The following IL34 variants were observed in gnomAD, a reference collection of about 807,000 sequenced individuals.
IL34 encodes interleukin 34.
In IL34, 17 loss-of-function variants were observed where a neutral mutation model predicts 25.3. That is an observed-to-expected ratio of 0.67 (90% confidence interval 0.46 to 1.01). The LOEUF (loss-of-function observed/expected upper bound fraction) is 1.01. Ranked by LOEUF, IL34 falls within the 50% of genes least tolerant of loss-of-function variation. The pLI is 0.00. For missense variants in IL34, 368 were observed against 312.9 expected, an observed-to-expected ratio of 1.18 and a Z score of -1.33; for synonymous variants, 174 against 140.9, an observed-to-expected ratio of 1.23 and a Z score of -1.66.
intron 1 of IL34, among the ~76,000 whole-genome samples, chr16:70,625,438 C>T (rs550476736): frequency 3.9e-4 from 60 of 151,924 alleles, no homozygotes; most frequent in African/African-American, 7.5e-4. Flanking sequence ...CGGGACTTGC[C>T]GCTAAGGGCG....
intron 1 of IL34, among the ~76,000 whole-genome samples, chr16:70,640,582 C>A (rs561449035): frequency 6.6e-6 from 1 of 150,776 alleles, no homozygotes; most frequent in East Asian, 2.0e-4. Flanking sequence ...CGAGATCTTG[C>A]CACTGCACTC....
At chr16:70,642,876 A>T (rs1422538677), upstream of IL34, among the ~76,000 whole-genome samples, 1 of 139,774 alleles carries the variant, frequency 7.2e-6, no homozygotes. Context: ...AGGCAAATCC[A>T]TAGAGACAGA....
intron 4 of IL34, among the ~76,000 whole-genome samples, chr16:70,658,660 G>C (rs73575026): frequency 0.063 from 9,533 of 151,802 alleles, 978 homozygotes; most frequent in African/African-American, 0.22. Context: ...TAGTAGAGAC[G>C]GGGTTCTGCC....
At chr16:70,585,359 G>C (rs2050680394) in intron 1 of IL34, among the ~76,000 whole-genome samples, 1 of 152,146 alleles carries the variant, frequency 6.6e-6, no homozygotes, top group Non-Finnish European at 1.5e-5. Context: ...AGGTTGCTGA[G>C]ACCACAGGCA....
At chr16:70,642,294 CT>C (rs531744889), upstream of IL34, among the ~76,000 whole-genome samples, 1,069 of 116,908 alleles carry the variant, frequency 9.1e-3, 1 homozygote, top group Middle Eastern at 0.024. Context: ...ACTCTGATGT[CT>C]TTTTTTTTTT....
intron 1 of IL34, among the ~76,000 whole-genome samples, chr16:70,634,357 T>C (rs910252148): frequency 2.0e-5 from 3 of 152,118 alleles, no homozygotes; most frequent in African/African-American, 7.2e-5. Flanking sequence ...TATATACCCA[T>C]GTGACCACCA....
intron 1 of IL34, among the ~76,000 whole-genome samples, chr16:70,584,526 TTC>T (rs1187890455): frequency 6.6e-6 from 1 of 152,158 alleles, no homozygotes; most frequent in Non-Finnish European, 1.5e-5. Context: ...CTGCAGAGCT[TTC>T]TGGGGTGCTC....
intron 2 of IL34, among the ~76,000 whole-genome samples, chr16:70,655,311 A>G (rs899072786): frequency 2.6e-5 from 4 of 152,004 alleles, no homozygotes; most frequent in African/African-American, 9.7e-5. Flanking sequence ...TCAGCCTCCC[A>G]AAGTGCTGGG....
intron 1 of IL34, among the ~76,000 whole-genome samples, chr16:70,650,883 G>A (rs1199101663): frequency 6.6e-6 from 1 of 152,200 alleles, no homozygotes; most frequent in Admixed American, 6.5e-5. Context: ...AAATGCACAT[G>A]TGAAGTTCTC....
intron 1 of IL34, among the ~76,000 whole-genome samples, chr16:70,611,986 A>G (rs1236550417): frequency 6.6e-6 from 1 of 152,164 alleles, no homozygotes; most frequent in Non-Finnish European, 1.5e-5. Context: ...CCATGATTGC[A>G]CCTCTGCACT....
At position 70,632,274 on chromosome 16, in the gene IL34, C is replaced by T. The variant is rs150911522; in HGVS notation, c.-400-14274C>T. ...TGGGCCAGGTGGTCTTAGCATTCAG[C>T]GGCCATTTCTGACCTTCGCTGACCC... On this transcript the variant is annotated intron_variant, in intron 1 of 6. Transcript: ENST00000429149. Among the ~76,000 whole-genome samples, 843 of 152,256 alleles carry T rather than the reference C, an allele frequency of 5.5e-3. 4 individuals are homozygous for T. The highest frequency in any genetic ancestry group is 0.019 in the African/African-American group (782 of 41,548).
chr16:70,649,607 G>A (rs1051299019), intron 1 of IL34, among the ~76,000 whole-genome samples: 4 of 152,104 alleles, frequency 2.6e-5, no homozygotes, highest in Admixed American at 6.6e-5. Flanking sequence ...TCGGGTGAAT[G>A]TGGATTTGGA....
intron 1 of IL34, among the ~76,000 whole-genome samples, chr16:70,605,151 G>A (rs1327819318): frequency 2.0e-5 from 3 of 151,996 alleles, no homozygotes; most frequent in Non-Finnish European, 4.4e-5. Context: ...GAGATCCTGG[G>A]TCTGTGGAGC....
chr16:70,601,623 C>T (rs2050919279), intron 1 of IL34, among the ~76,000 whole-genome samples: 1 of 152,206 alleles, frequency 6.6e-6, no homozygotes, highest in African/African-American at 2.4e-5. Context: ...TGGTCTTGAA[C>T]TCCTGACCTC....
intron 1 of IL34, among the ~76,000 whole-genome samples, chr16:70,594,993 C>T (rs1158192037): frequency 2.0e-5 from 3 of 150,288 alleles, no homozygotes; most frequent in Admixed American, 2.0e-4. Flanking sequence ...CTCCCTCTGT[C>T]GCCCAGGCTG....
intron 1 of IL34, among the ~76,000 whole-genome samples, chr16:70,586,757 G>A (rs1198235935): frequency 6.6e-6 from 1 of 152,154 alleles, no homozygotes; most frequent in Non-Finnish European, 1.5e-5. Flanking sequence ...CTCCTTGCAA[G>A]GTGCAACTGA....
Position 70,654,572 on chromosome 16 carries a change from T to C in IL34, c.63T>C (p.Asn21=). The C allele has an allele frequency of 6.2e-7, 1 of 1,613,428 alleles. No homozygotes were observed. The change falls in exon 2 of 6, where the codon AAT becomes AAC. Residue 21 remains asparagine (N), a synonymous_variant. Coordinates refer to ENST00000288098, the MANE Select transcript of IL34 (RefSeq NM_001393494.1). ...LGIFLGVALG[N]EPLEMWPLTQ... is the part of the protein sequence containing the mutation. The stretch of plus-strand genomic sequence containing the variant: ...TCTTCCTTGGCGTGGCCTTGGGGAA[T>C]GAGCCTTTGGAGATGTGGCCCTTGA...
chr16:70,586,877 T>C (rs1193993715), intron 1 of IL34, among the ~76,000 whole-genome samples: 2 of 152,238 alleles, frequency 1.3e-5, no homozygotes, highest in Non-Finnish European at 2.9e-5. Flanking sequence ...CCAGATGGGC[T>C]GTGCCCTGAT....
At chr16:70,591,704 A>C (rs1475488818) in intron 1 of IL34, among the ~76,000 whole-genome samples, 1 of 152,080 alleles carries the variant, frequency 6.6e-6, no homozygotes, top group Admixed American at 6.6e-5. Context: ...GCTCAGCCCT[A>C]TACAGGCACC....
Sources: allele counts gnomAD v4.1 joint callset (sites outside exome capture counted in the v4.1 genomes callset), GRCh38; gene constraint gnomAD v4.1.1; transcripts MANE v1.5; gene names NCBI Gene and HGNC (gene_info 2026-07-23, HGNC 2026-07-21).